The following SLC9C2 variants were observed in gnomAD, a reference collection of about 807,000 sequenced individuals.
SLC9C2 encodes the protein solute carrier family 9 member C2 (putative).
In SLC9C2, 75 loss-of-function variants were observed where a neutral mutation model predicts 140.2. The ratio of observed to expected loss-of-function variants is 0.53; its 90% CI spans 0.44 to 0.65. SLC9C2 has a LOEUF of 0.65. Among genes scored for constraint, SLC9C2 ranks in the 30% least tolerant of loss-of-function variants. The pLI, the probability that SLC9C2 is intolerant of heterozygous loss-of-function variation, is 0.00. For missense variants in SLC9C2, 1,074 were observed against 1,331.8 expected (o/e 0.81, Z 3.01); for synonymous variants, 375 against 420.9 (o/e 0.89, Z 1.34).
chr1:173,525,440 G>T (rs1010443356), intron 19 of SLC9C2, among the ~76,000 whole-genome samples: 2 of 152,112 alleles, frequency 1.3e-5, no homozygotes, highest in Non-Finnish European at 2.9e-5. Context: ...TGAACACAAT[G>T]CTTGCCATAT....
At chr1:173,506,070 T>C (rs947440476) in intron 25 of SLC9C2, among the ~76,000 whole-genome samples, 1 of 152,242 alleles carries the variant, frequency 6.6e-6, no homozygotes, top group African/African-American at 2.4e-5. Flanking sequence ...AACATGTAAA[T>C]TACCTTCATC....
At chr1:173,575,322 C>T (rs909795945) in intron 8 of SLC9C2, among the ~76,000 whole-genome samples, 4 of 152,104 alleles carry the variant, frequency 2.6e-5, no homozygotes, top group Non-Finnish European at 2.9e-5. Context: ...CCACACCAGA[C>T]ATTAAGAAAG....
At chr1:173,508,762 G>C (rs1253035266) in intron 24 of SLC9C2, among the ~76,000 whole-genome samples, 1 of 152,132 alleles carries the variant, frequency 6.6e-6, no homozygotes, top group Non-Finnish European at 1.5e-5. Flanking sequence ...GGTTCCAATA[G>C]TTACTAAATA....
chr1:173,540,971 C>T (rs1177504317), intron 13 of SLC9C2, among the ~76,000 whole-genome samples: 3 of 152,152 alleles, frequency 2.0e-5, no homozygotes, highest in Admixed American at 6.5e-5. Context: ...AACCAGTTAA[C>T]ATCATAATGA....
chr1:173,535,249 C>A (rs143428317), intron 15 of SLC9C2, among the ~76,000 whole-genome samples: 1 of 151,984 alleles, frequency 6.6e-6, no homozygotes, highest in African/African-American at 2.4e-5. Flanking sequence ...AGCATTAACG[C>A]CCTTGGTATG....
rs1665687524 is a variant in SLC9C2, at chr1:173,583,680, A to C, written c.524-58T>G. On this transcript the variant is annotated intron_variant, in intron 5 of 27. Coordinates refer to ENST00000367714, the MANE Select transcript of SLC9C2 (RefSeq NM_178527.4). ...TGCTACATGAAAATAATGTTCTTGC[A>C]CAGGAAGCAGAAACAGAAGAGAAAG... The C allele has an allele frequency of 4.5e-6, 4 of 894,036 alleles. No individual in the cohort carries two copies. The East Asian group carries it at 1.1e-4, about 24-fold the overall frequency. The allele number at this position is 894,036 out of a possible 1,614,324, so 55.4% of individuals were successfully genotyped here. A position where few individuals can be genotyped will look rare whatever the true frequency, so the allele number is the denominator to read the frequency against.
rs757788567 is a variant in SLC9C2, at chr1:173,583,614, T to C, written c.532A>G (p.Lys178Glu). The change falls in exon 6 of 28, where the codon AAA (lysine) becomes GAA (glutamate). Residue 178 changes from lysine (K) to glutamate (E), a missense_variant. Transcript: ENST00000367714. ...CCTCTAATGAGATCAATGTATATTT[T>C]AGAAATGCCTGAAAAAGGAAATACA... Reference protein sequence around the residue: ...VNSLKTIGISKIYIDLIRGES... With the variant: ...VNSLKTIGISEIYIDLIRGES... 7 of 1,513,714 alleles carry C rather than the reference T, an allele frequency of 4.6e-6. No homozygotes were observed. The highest frequency in any genetic ancestry group is 6.3e-6 in the Non-Finnish European group (7 of 1,114,094). 93.8% of individuals were successfully genotyped at this position (1,513,714 alleles called of 1,614,324 possible). A position where few individuals can be genotyped will look rare whatever the true frequency, so the allele number is the denominator to read the frequency against.
At chr1:173,545,981 G>A (rs1432338517) in intron 13 of SLC9C2, among the ~76,000 whole-genome samples, 1 of 152,100 alleles carries the variant, frequency 6.6e-6, no homozygotes, top group Non-Finnish European at 1.5e-5. Context: ...AAAGGTAGAA[G>A]CTACAAATCT....
chr1:173,550,432 A>ATTTT (rs1294841800), intron 11 of SLC9C2, among the ~76,000 whole-genome samples: 4 of 121,706 alleles, frequency 3.3e-5, no homozygotes, highest in African/African-American at 1.6e-4. Flanking sequence ...TTATTTATTT[A>ATTTT]TTTATTTATT....
At chr1:173,583,985 C>A (rs1665705357) in intron 5 of SLC9C2, among the ~76,000 whole-genome samples, 1 of 152,116 alleles carries the variant, frequency 6.6e-6, no homozygotes, top group African/African-American at 2.4e-5. Context: ...TAGGACCCAG[C>A]AATTCTACTC....
At chr1:173,519,178 T>C (rs1218570247) in intron 22 of SLC9C2, among the ~76,000 whole-genome samples, 4 of 151,966 alleles carry the variant, frequency 2.6e-5, no homozygotes, top group African/African-American at 9.7e-5. Context: ...CAGAGAGAGA[T>C]GTGTGAAGGA....
rs560098350 is a variant in SLC9C2, at chr1:173,543,567, A to G, written c.1557+4122T>C. 9.2e-5 allele frequency among the ~76,000 whole-genome samples: 14 copies of G among 152,292 alleles called. No individual in the cohort carries two copies. In the East Asian group the frequency reaches 2.7e-3, roughly 29 times the overall value. On this transcript the variant is annotated intron_variant, in intron 13 of 27. Transcript: ENST00000367714. The stretch of plus-strand genomic sequence containing the variant: ...GCCAAGACAATCCTAACCAAAACTA[A>G]CAAAGCTGGAGGCATCACACTACCT...
chr1:173,532,670 A>C (rs1264874376), intron 17 of SLC9C2, among the ~76,000 whole-genome samples: 2 of 152,208 alleles, frequency 1.3e-5, no homozygotes, highest in Non-Finnish European at 2.9e-5. Flanking sequence ...ACTGGCACCA[A>C]GATTTTTATT....
intron 4 of SLC9C2, among the ~76,000 whole-genome samples, chr1:173,592,391 C>T (rs752956038): frequency 2.0e-5 from 3 of 152,076 alleles, no homozygotes; most frequent in African/African-American, 2.4e-5. Flanking sequence ...TTTTCTAGTT[C>T]TGTGAAGAAC....
At chr1:173,566,481 G>T (rs1380173946) in intron 9 of SLC9C2, among the ~76,000 whole-genome samples, 1 of 151,956 alleles carries the variant, frequency 6.6e-6, no homozygotes, top group African/African-American at 2.4e-5. Flanking sequence ...GTTGCTTATG[G>T]TAACCAGTAA....
intron 11 of SLC9C2, among the ~76,000 whole-genome samples, chr1:173,548,839 A>G (rs1663052882): frequency 6.6e-6 from 1 of 152,174 alleles, no homozygotes; most frequent in East Asian, 1.9e-4. Context: ...CACCTAATCC[A>G]TATTTCTCAA....
intron 22 of SLC9C2, among the ~76,000 whole-genome samples, chr1:173,518,908 C>T (rs1283158712): frequency 2.0e-5 from 3 of 151,804 alleles, no homozygotes; most frequent in Admixed American, 2.0e-4. Flanking sequence ...TAAAGGAGGC[C>T]CCCCCAAGAT....
intron 9 of SLC9C2, among the ~76,000 whole-genome samples, chr1:173,569,203 C>A (rs1054608043): frequency 1.3e-5 from 2 of 152,030 alleles, no homozygotes; most frequent in Admixed American, 1.3e-4. Flanking sequence ...CCTCTGACTG[C>A]ATATTTTCAA....
chr1:173,504,601 G>C (rs1042069603), intron 26 of SLC9C2, among the ~76,000 whole-genome samples: 1 of 152,132 alleles, frequency 6.6e-6, no homozygotes, highest in Non-Finnish European at 1.5e-5. Flanking sequence ...AGCTGGGGCA[G>C]CTGGGAGAAT....
Sources: allele counts gnomAD v4.1 joint callset (sites outside exome capture counted in the v4.1 genomes callset), GRCh38; gene constraint gnomAD v4.1.1; transcripts MANE v1.5; gene names NCBI Gene and HGNC (gene_info 2026-07-23, HGNC 2026-07-21).